The following ATAD1 variants were observed in gnomAD, a reference collection of about 807,000 sequenced individuals.
ATAD1 encodes the protein outer mitochondrial transmembrane helix translocase.
A neutral mutation model predicts 42.7 loss-of-function variants in ATAD1; 18 were observed. That is an observed-to-expected ratio of 0.42 (90% CI 0.29 to 0.63). ATAD1 has a LOEUF of 0.63. Ranked by LOEUF, ATAD1 falls within the 20% of genes least tolerant of loss-of-function variation. The probability of loss-of-function intolerance (pLI) is 0.19; values close to 1 mark genes in which losing one functional copy is unlikely to be tolerated. For missense variants in ATAD1, 294 were observed against 440.4 expected, an observed-to-expected ratio of 0.67 and a Z score of 2.98; for synonymous variants, 132 against 143.1, an observed-to-expected ratio of 0.92 and a Z score of 0.55.
At chr10:87,756,176 A>G (rs1309393534) in intron 9 of ATAD1, among the ~76,000 whole-genome samples, 3 of 152,220 alleles carry the variant, frequency 2.0e-5, no homozygotes, top group Non-Finnish European at 2.9e-5. Flanking sequence ...TTCCTTTAAC[A>G]CAACCCCTAA....
At chr10:87,810,104 C>T (rs962906381) in intron 2 of ATAD1, among the ~76,000 whole-genome samples, 2 of 152,006 alleles carry the variant, frequency 1.3e-5, no homozygotes, top group African/African-American at 4.8e-5. Flanking sequence ...TATTCACTTT[C>T]TATTTCATTA....
chr10:87,755,453 T>C (rs1297101216), intron 9 of ATAD1, among the ~76,000 whole-genome samples: 1 of 152,180 alleles, frequency 6.6e-6, no homozygotes, highest in East Asian at 1.9e-4. Flanking sequence ...AATTATAAAA[T>C]ATGAAATTCA....
chr10:87,792,594 C>T (rs959479561), intron 3 of ATAD1, 63 bp downstream of exon 3: 1 of 1,253,360 alleles, frequency 8.0e-7, no homozygotes, highest in African/African-American at 1.5e-5. Context: ...AGACCCCTGA[C>T]ACAAAATGCT....
At chr10:87,798,056 C>A (rs560288062) in intron 2 of ATAD1, among the ~76,000 whole-genome samples, 2 of 151,448 alleles carry the variant, frequency 1.3e-5, no homozygotes, top group Non-Finnish European at 2.9e-5. Context: ...AAATCCCCAA[C>A]AAAAATTAAT....
intron 6 of ATAD1, among the ~76,000 whole-genome samples, chr10:87,775,352 C>T (rs1000384860): frequency 3.8e-5 from 5 of 133,056 alleles, no homozygotes; most frequent in South Asian, 2.6e-4. Context: ...ACCCGGAAGG[C>T]GGAGGTTGCA....
At chr10:87,814,363 C>G in intron 2 of ATAD1, 75 bp downstream of exon 2, 1 of 1,401,592 alleles carries the variant, frequency 7.1e-7, no homozygotes, top group Non-Finnish European at 9.5e-7. Flanking sequence ...TTTGTGAACT[C>G]TACCAAATTT....
intron 5 of ATAD1, among the ~76,000 whole-genome samples, chr10:87,784,077 A>T (rs1855702146): frequency 6.6e-6 from 1 of 152,208 alleles, no homozygotes; most frequent in Non-Finnish European, 1.5e-5. Context: ...AAGATGCCCA[A>T]GTTTACTACC....
At position 87,776,338 on chromosome 10, in the gene ATAD1, T is replaced by C. The variant is rs1200822708; in HGVS notation, c.673A>G (p.Thr225Ala). The C allele has an allele frequency of 6.2e-7, 1 of 1,613,380 alleles. No individual in the cohort carries two copies. The highest frequency in any genetic ancestry group is 2.2e-5 in the East Asian group (1 of 44,856). ...TCAAATACCTGGCAGCTGTGATCAG[T>C]ATCCAATCCATCCCAGAGACTCATA... ...QFMSLWDGLD[T>A]DHSCQVIVMG... The change falls in exon 6 of 10, where the codon ACT becomes GCT. Residue 225 changes from threonine (T) to alanine (A), a missense_variant. By Grantham distance (58) the Thr-to-Ala change is moderately conservative (BLOSUM62 0). Around this residue, in one of 3 missense-constraint regions of ATAD1, gnomAD observed 142 missense variants for 174.6 expected, o/e 0.81. Transcript: ENST00000680024.
At chr10:87,761,925 T>G (rs1854502020) in intron 8 of ATAD1, among the ~76,000 whole-genome samples, 2 of 152,006 alleles carry the variant, frequency 1.3e-5, no homozygotes, top group Admixed American at 1.3e-4. Flanking sequence ...AAAATTTCTT[T>G]GTAGAGGTGA....
At chr10:87,824,677 A>G (rs1857693233) in intron 1 of ATAD1, among the ~76,000 whole-genome samples, 1 of 152,206 alleles carries the variant, frequency 6.6e-6, no homozygotes, top group Non-Finnish European at 1.5e-5. Context: ...TGTAAGGACA[A>G]TGATCTTTTC....
chr10:87,790,140 A>G (rs1357127101), intron 4 of ATAD1, among the ~76,000 whole-genome samples, 170 bp downstream of exon 4: 1 of 152,254 alleles, frequency 6.6e-6, no homozygotes, highest in Non-Finnish European at 1.5e-5. Context: ...GAAAAAGTTT[A>G]TCTCAATTTC....
intron 8 of ATAD1, among the ~76,000 whole-genome samples, chr10:87,758,797 C>T (rs987255179): frequency 1.3e-5 from 2 of 152,024 alleles, no homozygotes; most frequent in Non-Finnish European, 2.9e-5. Flanking sequence ...TGTAGACATA[C>T]ATGTAACATG....
intron 2 of ATAD1, among the ~76,000 whole-genome samples, chr10:87,810,021 C>T (rs570695471): frequency 1.8e-4 from 27 of 151,948 alleles, no homozygotes; most frequent in African/African-American, 5.1e-4. Flanking sequence ...TTTTTCTTGT[C>T]GGTTTGAAAA....
intron 2 of ATAD1, among the ~76,000 whole-genome samples, chr10:87,808,030 G>C (rs1352548630): frequency 4.6e-5 from 7 of 152,016 alleles, no homozygotes; most frequent in Non-Finnish European, 8.8e-5. Flanking sequence ...TTATATTTTT[G>C]ATGCTACTAT....
chr10:87,790,939 T>C (rs1856065982), intron 3 of ATAD1, among the ~76,000 whole-genome samples: 1 of 149,696 alleles, frequency 6.7e-6, no homozygotes, highest in African/African-American at 2.5e-5. Flanking sequence ...AATCCAGCAC[T>C]TTGGGAGGCC....
intron 2 of ATAD1, among the ~76,000 whole-genome samples, chr10:87,796,626 C>T (rs1040291549): frequency 2.0e-5 from 3 of 152,232 alleles, no homozygotes; most frequent in African/African-American, 7.2e-5. Flanking sequence ...GTCATGGTCC[C>T]GTGTACTCAA....
At chr10:87,762,500 A>G (rs1156313189) in intron 8 of ATAD1, among the ~76,000 whole-genome samples, 1 of 151,066 alleles carries the variant, frequency 6.6e-6, no homozygotes, top group Non-Finnish European at 1.5e-5. Flanking sequence ...GTCTTACTCT[A>G]GTCACCCAGG....
chr10:87,763,894 C>A (rs767578837), intron 8 of ATAD1, among the ~76,000 whole-genome samples: 6 of 152,030 alleles, frequency 3.9e-5, no homozygotes, highest in South Asian at 2.1e-4. Context: ...AAATGAGAAT[C>A]CACCAAAAAT....
intron 5 of ATAD1, among the ~76,000 whole-genome samples, chr10:87,782,266 G>C (rs1485442683): frequency 6.6e-6 from 1 of 152,180 alleles, no homozygotes; most frequent in Non-Finnish European, 1.5e-5. Flanking sequence ...TATCATTTAA[G>C]AGAGAAAGTA....
Sources: allele counts gnomAD v4.1 joint callset (sites outside exome capture counted in the v4.1 genomes callset), GRCh38; gene constraint gnomAD v4.1.1; regional missense constraint gnomAD v4.1.1; transcripts MANE v1.5; gene names NCBI Gene and HGNC (gene_info 2026-07-23, HGNC 2026-07-21).